Variants in FNIP2 observed in about 807,000 individuals in gnomAD.
FNIP2 encodes folliculin-interacting protein 2.
In FNIP2, 32 loss-of-function variants were observed where a neutral mutation model predicts 108.7. The ratio of observed to expected loss-of-function variants is 0.29; its 90% CI spans 0.22 to 0.40. The LOEUF is 0.40. Among genes scored for constraint, FNIP2 ranks in the 10% least tolerant of loss-of-function variants. The pLI is 1.00. For synonymous variants in FNIP2, 480 were observed against 496.7 expected, an observed-to-expected ratio of 0.97 and a Z score of 0.45; for missense variants, 1,202 against 1,381.6, an observed-to-expected ratio of 0.87 and a Z score of 2.06.
chr4:158,862,795 A>G (rs1272821963), intron 12 of FNIP2, among the ~76,000 whole-genome samples: 2 of 152,198 alleles, frequency 1.3e-5, no homozygotes, highest in African/African-American at 2.4e-5. Context: ...TTTGTTATGG[A>G]ATAATAATAG....
intron 1 of FNIP2, among the ~76,000 whole-genome samples, chr4:158,803,629 A>T (rs6536371): frequency 0.99 from 150,137 of 152,340 alleles, 74,010 homozygotes; most frequent in East Asian, 1. Context: ...GTTTTTTCAT[A>T]TCTACCCTAT....
intron 1 of FNIP2, among the ~76,000 whole-genome samples, chr4:158,801,549 C>CT (rs1156719256): frequency 1.3e-5 from 2 of 152,202 alleles, no homozygotes; most frequent in Non-Finnish European, 2.9e-5. Context: ...GGCTCTGCCA[C>CT]TGACAAACTG....
intron 8 of FNIP2, among the ~76,000 whole-genome samples, chr4:158,857,769 T>G (rs1334469904): frequency 8.0e-6 from 1 of 125,222 alleles, no homozygotes; most frequent in Non-Finnish European, 1.7e-5. Flanking sequence ...GTAGGGAGAC[T>G]CCATCTCTAC....
intron 7 of FNIP2, among the ~76,000 whole-genome samples, chr4:158,842,766 C>T (rs1779197857): frequency 6.6e-6 from 1 of 151,970 alleles, no homozygotes; most frequent in Non-Finnish European, 1.5e-5. Flanking sequence ...GTTTTGAAAT[C>T]AAGGTGGTAA....
At chr4:158,774,410 T>G (rs1453621128) in intron 1 of FNIP2, among the ~76,000 whole-genome samples, 1 of 152,208 alleles carries the variant, frequency 6.6e-6, no homozygotes, top group Non-Finnish European at 1.5e-5. Context: ...ATTTAACTAT[T>G]TAAGATAACT....
intron 1 of FNIP2, among the ~76,000 whole-genome samples, chr4:158,819,142 C>T (rs567460479): frequency 6.6e-6 from 1 of 152,304 alleles, no homozygotes; most frequent in African/African-American, 2.4e-5. Context: ...ATTTCTGTTC[C>T]TGGTACCTTT....
At chr4:158,855,491 A>G (rs1436131784) in intron 8 of FNIP2, among the ~76,000 whole-genome samples, 2 of 151,990 alleles carry the variant, frequency 1.3e-5, no homozygotes, top group Non-Finnish European at 1.5e-5. Flanking sequence ...CTCTGTCACC[A>G]GGCTGGAGTG....
chr4:158,856,901 G>A (rs1238071042), intron 8 of FNIP2, among the ~76,000 whole-genome samples: 3 of 152,214 alleles, frequency 2.0e-5, no homozygotes, highest in Admixed American at 6.5e-5. Flanking sequence ...TAAATTATAA[G>A]TAAGATACTA....
chr4:158,844,303 TATATA>T (rs1448325095), intron 7 of FNIP2, among the ~76,000 whole-genome samples: 1 of 152,178 alleles, frequency 6.6e-6, no homozygotes, highest in Non-Finnish European at 1.5e-5. Flanking sequence ...TCCATCCATA[TATATA>T]AGTAGGAGTA....
At chr4:158,836,583 C>G (rs1431295778) in intron 7 of FNIP2, 2 of 151,058 alleles carry the variant, frequency 1.3e-5, no homozygotes, top group Admixed American at 6.6e-5. Context: ...GAGCAGATCA[C>G]TTGAGGTCAG....
At chr4:158,893,763 AG>A (rs771999762) in intron 15 of FNIP2, 2 of 1,379,080 alleles carry the variant, frequency 1.5e-6, no homozygotes. Flanking sequence ...TTACTTCATA[AG>A]TATTTGCCAA....
At chr4:158,793,130 A>G (rs916454177) in intron 1 of FNIP2, among the ~76,000 whole-genome samples, 6 of 152,208 alleles carry the variant, frequency 3.9e-5, no homozygotes, top group Admixed American at 6.5e-5. Flanking sequence ...TGGATAGACC[A>G]TTCATGGGAA....
At chr4:158,793,220 A>G (rs1776478815) in intron 1 of FNIP2, among the ~76,000 whole-genome samples, 2 of 152,222 alleles carry the variant, frequency 1.3e-5, no homozygotes, top group African/African-American at 2.4e-5. Flanking sequence ...GAATGTGCCT[A>G]CAAGGTGCAG....
chr4:158,904,354 AATCT>A lies in FNIP2; in HGVS notation c.3267-108_3267-105del, dbSNP rs1303971718. 5 of 918,830 alleles carry A rather than the reference AATCT, an allele frequency of 5.4e-6. No homozygotes were observed. The African/African-American group carries it at 8.4e-5, about 15-fold the overall frequency. The allele number at this position is 918,830 out of a possible 1,614,324, so 56.9% of individuals were successfully genotyped here. On this transcript the variant is annotated intron_variant, in intron 16 of 16. Coordinates refer to ENST00000264433, the MANE Select transcript of FNIP2 (RefSeq NM_020840.3). ...TGCTTTTTCATTAGTTTTAAATGAT[AATCT>A]ATCAAACTTAGTACCTAGAAATAAT...
chr4:158,893,513 G>A lies in FNIP2; in HGVS notation c.3150+1867G>A, dbSNP rs559731374. ...TTAGTTTCATGAAACAATATTAATG[G>A]TTGCAAAGACTGACAACACCTTTTT... is the stretch of plus-strand genomic sequence containing the variant. On this transcript the variant is annotated intron_variant, in intron 15 of 16. Transcript: ENST00000264433. 32 of 545,750 alleles carry A rather than the reference G, an allele frequency of 5.9e-5. No homozygotes were observed. In the Middle Eastern group the frequency reaches 1.2e-3, roughly 21 times the overall value. The allele number at this position is 545,750 out of a possible 1,614,324, so 33.8% of individuals were successfully genotyped here.
At chr4:158,794,131 A>G (rs1776506947) in intron 1 of FNIP2, among the ~76,000 whole-genome samples, 1 of 152,192 alleles carries the variant, frequency 6.6e-6, no homozygotes, top group African/African-American at 2.4e-5. Flanking sequence ...TATATGTTGG[A>G]TTAAACAAAA....
In FNIP2 at chr4:158,859,562, T is replaced by C; in HGVS notation, c.1060-16T>C. On this transcript the variant is annotated splice_polypyrimidine_tract_variant and intron_variant, in intron 9 of 16. Transcript: ENST00000264433. ...ATTTCTTCTCAGTAATTTGACTTGC[T>C]TTCTCTTCAATAAAGGCTATGATCT... is the stretch of plus-strand genomic sequence containing the variant. 6.2e-7 allele frequency: 1 copy of C among 1,606,010 alleles called. No homozygotes were observed. Among genetic ancestry groups the C allele is most frequent in the Non-Finnish European group, 8.5e-7 (1 of 1,174,792 alleles).
At position 158,812,115 on chromosome 4, in the gene FNIP2, G is replaced by T. The variant is rs1777310608; in HGVS notation, c.108-13801G>T. Among the ~76,000 whole-genome samples the T allele has an allele frequency of 1.3e-5, 2 of 152,182 alleles. 1 individual carries two copies. The highest frequency in any genetic ancestry group is 4.1e-4 in the South Asian group (2 of 4,830). On this transcript the variant is annotated intron_variant, in intron 1 of 16. Coordinates refer to ENST00000264433, the MANE Select transcript of FNIP2 (RefSeq NM_020840.3). ...ACTGTGATATGAGAGGGAGGCAGAG[G>T]TCACTGCCCCTAATATCTTTCCCAC...
intron 7 of FNIP2, among the ~76,000 whole-genome samples, chr4:158,836,840 AGACTCATT>A (rs1276374241): frequency 7.1e-6 from 1 of 141,266 alleles, no homozygotes; most frequent in Non-Finnish European, 1.5e-5. Context: ...AAAAAAAAAG[AGACTCATT>A]GATCAGACCT....
Sources: allele counts gnomAD v4.1 joint callset (sites outside exome capture counted in the v4.1 genomes callset), GRCh38; gene constraint gnomAD v4.1.1; transcripts MANE v1.5; gene names NCBI Gene and HGNC (gene_info 2026-07-23, HGNC 2026-07-21).